OR2L13: variants seen among roughly 807,000 people sequenced by gnomAD.
The protein encoded by OR2L13 is olfactory receptor 2L13.
OR2L13 carries 14 observed loss-of-function variants against 15.3 expected under a neutral mutation model. That is an observed-to-expected ratio of 0.91 (90% CI 0.60 to 1.43). The LOEUF (loss-of-function observed/expected upper bound fraction) is 1.43. Ranked by LOEUF, OR2L13 falls within the 40% of genes most tolerant of loss-of-function variation. OR2L13 has a pLI of 0.00. For synonymous variants in OR2L13, 152 were observed against 142.9 expected (o/e 1.06, Z -0.45); for missense variants, 367 against 387.9 (o/e 0.95, Z 0.45).
exon 3 of OR2L13, chr1:248,099,866 A>C (rs1405301513): frequency 6.2e-7 from 1 of 1,613,970 alleles, no homozygotes; most frequent in African/African-American, 1.3e-5. Context: ...TTTGCCCTTC[A>C]TATTCCCTAC....
At chr1:248,082,478 C>A in the OR2L13 span, among the ~76,000 whole-genome samples, 3 of 150,970 alleles carry the variant, frequency 2.0e-5, no homozygotes, top group East Asian at 5.9e-4. Context: ...TGCACATGTA[C>A]CCTAAAACTT....
chr1:248,033,600 C>A, the OR2L13 span, among the ~76,000 whole-genome samples: 1 of 76,930 alleles, frequency 1.3e-5, no homozygotes, highest in African/African-American at 4.2e-5. Flanking sequence ...CCACACCTGG[C>A]TAATTTTTGT....
the OR2L13 span, among the ~76,000 whole-genome samples, chr1:248,014,089 G>T: frequency 2.6e-5 from 4 of 151,994 alleles, no homozygotes; most frequent in Non-Finnish European, 4.4e-5. Context: ...ATTTGTACTT[G>T]GTTGGTGATT....
chr1:248,075,160 A>C, the OR2L13 span, among the ~76,000 whole-genome samples: 5 of 152,268 alleles, frequency 3.3e-5, no homozygotes, highest in Admixed American at 3.3e-4. Context: ...GCTGAGAATG[A>C]TGGTTTCCAG....
At chr1:247,971,239 T>G in the OR2L13 span, among the ~76,000 whole-genome samples, 1 of 152,270 alleles carries the variant, frequency 6.6e-6, no homozygotes, top group African/African-American at 2.4e-5. Flanking sequence ...GTCTGAATCT[T>G]TTCTTTTCTT....
the OR2L13 span, chr1:248,060,829 T>G: frequency 8.7e-6 from 14 of 1,614,034 alleles, no homozygotes; most frequent in Non-Finnish European, 1.2e-5. Context: ...TCTCATCTTC[T>G]TGGACACCCA....
chr1:247,983,210 T>C, the OR2L13 span, among the ~76,000 whole-genome samples: 5,902 of 152,140 alleles, frequency 0.039, 352 homozygotes, highest in African/African-American at 0.13. Flanking sequence ...ACGTGAAGAG[T>C]TTGTTATTAG....
the OR2L13 span, chr1:247,965,655 AT>A: frequency 1.3e-6 from 2 of 1,545,542 alleles, no homozygotes; most frequent in African/African-American, 1.4e-5. Context: ...AGACCATTAG[AT>A]TTTTGGGCTG....
chr1:248,054,455 G>A, the OR2L13 span, among the ~76,000 whole-genome samples: 5 of 151,994 alleles, frequency 3.3e-5, no homozygotes, highest in Admixed American at 2.6e-4. Context: ...TTTTAAAATA[G>A]TTCTTTTTTT....
the OR2L13 span, among the ~76,000 whole-genome samples, chr1:247,959,505 G>T: frequency 6.6e-6 from 1 of 151,872 alleles, no homozygotes; most frequent in African/African-American, 2.4e-5. Context: ...GCTAGATTGG[G>T]AAAGTTCTCT....
chr1:248,021,491 G>T, the OR2L13 span, among the ~76,000 whole-genome samples: 5 of 152,258 alleles, frequency 3.3e-5, no homozygotes, highest in Admixed American at 3.3e-4. Context: ...TGCCACAAAT[G>T]AACACTTCAT....
chr1:248,087,025 C>A, the OR2L13 span, among the ~76,000 whole-genome samples: 1 of 152,100 alleles, frequency 6.6e-6, no homozygotes, highest in Non-Finnish European at 1.5e-5. Flanking sequence ...CCCTTCCCCA[C>A]CTTCATGCTT....
chr1:248,017,355 C>G, the OR2L13 span, among the ~76,000 whole-genome samples: 1 of 152,096 alleles, frequency 6.6e-6, no homozygotes, highest in Non-Finnish European at 1.5e-5. Flanking sequence ...AGACAGGGAT[C>G]TAATTTTATT....
the OR2L13 span, among the ~76,000 whole-genome samples, chr1:247,969,881 A>G: frequency 6.6e-6 from 1 of 152,174 alleles, no homozygotes; most frequent in African/African-American, 2.4e-5. Context: ...GCTGCTCCTG[A>G]TGCAGATTAT....
the OR2L13 span, chr1:247,975,186 A>G: frequency 1.0e-5 from 4 of 397,044 alleles, no homozygotes; most frequent in Non-Finnish European, 2.0e-5. Flanking sequence ...ATCTTGGATA[A>G]TGGGCTCTAT....
the OR2L13 span, among the ~76,000 whole-genome samples, chr1:248,050,345 AG>A: frequency 6.6e-6 from 1 of 152,220 alleles, no homozygotes; most frequent in African/African-American, 2.4e-5. Flanking sequence ...TTAATACAAA[AG>A]TAAAAGGGCC....
the OR2L13 span, chr1:248,038,315 G>A: frequency 1.2e-6 from 2 of 1,613,254 alleles, no homozygotes; most frequent in Admixed American, 1.7e-5. Flanking sequence ...TATTGGGGCT[G>A]TTCCCACAAT....
At chr1:247,954,236 T>A in the OR2L13 span, among the ~76,000 whole-genome samples, 1 of 152,158 alleles carries the variant, frequency 6.6e-6, no homozygotes, top group African/African-American at 2.4e-5. Context: ...ACTACTAAAT[T>A]TTTTTTACTT....
the OR2L13 span, among the ~76,000 whole-genome samples, chr1:248,073,811 CA>C: frequency 6.6e-6 from 1 of 151,676 alleles, no homozygotes; most frequent in African/African-American, 2.4e-5. Context: ...TTGACTAAAA[CA>C]TTATACACTT....
Sources: allele counts gnomAD v4.1 joint callset (sites outside exome capture counted in the v4.1 genomes callset), GRCh38; gene constraint gnomAD v4.1.1; transcripts MANE v1.5; gene names NCBI Gene and HGNC (gene_info 2026-07-23, HGNC 2026-07-21).